CNTLN: variants seen among roughly 807,000 people sequenced by gnomAD.
The protein encoded by CNTLN is centlein, centrosomal protein.
Under a neutral mutation model 180.0 loss-of-function variants are expected in CNTLN, and 212 were observed. That is an observed-to-expected ratio of 1.18 (90% CI 1.05 to 1.32). The LOEUF is 1.32. Among genes scored for constraint, CNTLN ranks in the 40% most tolerant of loss-of-function variants. The pLI, the probability that CNTLN is intolerant of heterozygous loss-of-function variation, is 0.00. For missense variants in CNTLN, 2,095 were observed against 1,610.9 expected, an observed-to-expected ratio of 1.30 and a Z score of -5.14; for synonymous variants, 722 against 563.1, an observed-to-expected ratio of 1.28 and a Z score of -3.99.
chr9:17,338,337 G>GTTTTT lies in CNTLN; in HGVS notation c.1645-2476_1645-2472dup, dbSNP rs71331486. ...CTGCTATCACTCCTGGCTAATTTTT[G>GTTTTT]TTTTTTTTTTTTTTTTTTAGAGATG... On this transcript the variant is annotated intron_variant, in intron 10 of 25. Coordinates refer to ENST00000380647, the MANE Select transcript of CNTLN (RefSeq NM_017738.4). Among the ~76,000 whole-genome samples the GTTTTT allele has an allele frequency of 8.1e-4, 81 of 100,436 alleles. 2 individuals carry two copies. Among genetic ancestry groups the GTTTTT allele is most frequent in the African/African-American group, 2.8e-3 (72 of 26,008 alleles). 65.9% of individuals were successfully genotyped at this position (100,436 alleles called of 152,430 possible).
At chr9:17,261,775 C>G (rs1827000294) in intron 5 of CNTLN, among the ~76,000 whole-genome samples, 1 of 151,398 alleles carries the variant, frequency 6.6e-6, no homozygotes, top group Non-Finnish European at 1.5e-5. Flanking sequence ...GCAGAAGAAA[C>G]TAGCATCAGA....
At chr9:17,316,402 C>G (rs932214957) in intron 8 of CNTLN, among the ~76,000 whole-genome samples, 51 of 152,002 alleles carry the variant, frequency 3.4e-4, no homozygotes, top group African/African-American at 1.2e-3. Context: ...TAAATTCCAC[C>G]TATAATTTGA....
At position 17,298,305 on chromosome 9, in the gene CNTLN, A is replaced by G. The variant is rs1818095138; in HGVS notation, c.1099A>G (p.Arg367Gly). Residue 367 changes from arginine (R) to glycine (G), a missense_variant, in exon 7 of 26, where the codon AGA (arginine) becomes GGA (glycine). By Grantham distance (125) the Arg-to-Gly change is moderately radical. Coordinates refer to ENST00000380647, the MANE Select transcript of CNTLN (RefSeq NM_017738.4). ...CAATATGGACACACAAAAAGTACTG[A>G]GAAATCAGGAAGATGTTCACACAGC... ...VLNMDTQKVL[R>G]NQEDVHTAES... is the part of the protein sequence containing the mutation. 1.2e-6 allele frequency: 2 copies of G among 1,613,352 alleles called. No individual in the cohort carries two copies. Among genetic ancestry groups the G allele is most frequent in the African/African-American group, 2.7e-5 (2 of 74,910 alleles).
intron 6 of CNTLN, among the ~76,000 whole-genome samples, chr9:17,293,257 G>A (rs1817528124): frequency 6.6e-6 from 1 of 152,358 alleles, no homozygotes; most frequent in Middle Eastern, 3.4e-3. Context: ...GGAGGCAGGG[G>A]TTCTGGGATC....
intron 2 of CNTLN, among the ~76,000 whole-genome samples, chr9:17,175,761 T>C (rs1820681205): frequency 6.6e-6 from 1 of 152,118 alleles, no homozygotes; most frequent in Admixed American, 6.5e-5. Context: ...AAGATGTCTC[T>C]CCATTTATTT....
At chr9:17,301,686 A>G (rs1242450827) in intron 7 of CNTLN, 7 of 964,384 alleles carry the variant, frequency 7.3e-6, no homozygotes, top group Non-Finnish European at 8.6e-6. Flanking sequence ...AGTATCCTCA[A>G]CTAGACTCAA....
At chr9:17,202,644 C>CTG (rs1822613725) in intron 2 of CNTLN, among the ~76,000 whole-genome samples, 1 of 87,100 alleles carries the variant, frequency 1.1e-5, no homozygotes, top group African/African-American at 5.3e-5. Context: ...ATTGCAACCT[C>CTG]TGTTTTTTTT....
At chr9:17,485,689 T>C (rs1267233820) in intron 24 of CNTLN, among the ~76,000 whole-genome samples, 3 of 152,098 alleles carry the variant, frequency 2.0e-5, no homozygotes, top group Admixed American at 6.6e-5. Context: ...TAGCACAGTG[T>C]CTCATGTGAG....
rs1040552438 is a variant in CNTLN at position 17,135,056 on chromosome 9, A to G, written c.-10A>G. 6.3e-7 allele frequency: 1 copy of G among 1,592,190 alleles called. No individual in the cohort carries two copies. The highest frequency in any genetic ancestry group is 1.3e-5 in the African/African-American group (1 of 74,844). On this transcript the variant is annotated 5_prime_UTR_variant, in exon 1 of 26. Coordinates refer to ENST00000380647, the MANE Select transcript of CNTLN (RefSeq NM_017738.4). Reference sequence around the variant, plus strand: ...CCAACAGGGAACTTGACCCGTTAGCAGCCGCAGCCATGGCGGCGCGTTCGC... The same window carrying G: ...CCAACAGGGAACTTGACCCGTTAGCGGCCGCAGCCATGGCGGCGCGTTCGC...
At chr9:17,291,139 A>G (rs1319743546) in intron 6 of CNTLN, among the ~76,000 whole-genome samples, 1 of 152,128 alleles carries the variant, frequency 6.6e-6, no homozygotes, top group Non-Finnish European at 1.5e-5. Flanking sequence ...ATCTTGAGTT[A>G]TAATTTGATT....
chr9:17,244,643 TATTATTGATAAGTA>T, intron 5 of CNTLN, among the ~76,000 whole-genome samples: 1 of 152,284 alleles, frequency 6.6e-6, no homozygotes, highest in African/African-American at 2.4e-5. Context: ...CCTGTAGCAT[TATTATTGATAAGTA>T]AGGACTTACT....
intron 16 of CNTLN, among the ~76,000 whole-genome samples, chr9:17,415,008 C>T (rs1359736689): frequency 1.3e-5 from 2 of 151,938 alleles, no homozygotes; most frequent in Non-Finnish European, 2.9e-5. Flanking sequence ...ATTGCTTGAA[C>T]CTGGGAGGCG....
intron 2 of CNTLN, among the ~76,000 whole-genome samples, chr9:17,218,948 G>T (rs1037480626): frequency 6.6e-6 from 1 of 152,058 alleles, no homozygotes; most frequent in African/African-American, 2.4e-5. Flanking sequence ...TAATGATTCA[G>T]AATAATTTCT....
chr9:17,136,491 GGC>G (rs1817726976), intron 1 of CNTLN, among the ~76,000 whole-genome samples: 1 of 152,106 alleles, frequency 6.6e-6, no homozygotes, highest in African/African-American at 2.4e-5. Flanking sequence ...CACCACGCCT[GGC>G]TAATTTTTTG....
At chr9:17,298,538 G>A in intron 7 of CNTLN, 186 bp downstream of exon 7, 2 of 1,277,954 alleles carry the variant, frequency 1.6e-6, no homozygotes, top group East Asian at 3.1e-5. Context: ...TTTTCTTTAT[G>A]GTAATTAGAG....
chr9:17,264,359 T>C (rs966571316), intron 5 of CNTLN, among the ~76,000 whole-genome samples: 3 of 151,846 alleles, frequency 2.0e-5, no homozygotes, highest in Non-Finnish European at 2.9e-5. Flanking sequence ...GTTGTAGATA[T>C]GCAGCGTTAT....
At chr9:17,431,171 A>C (rs1038577017) in intron 18 of CNTLN, among the ~76,000 whole-genome samples, 3 of 152,132 alleles carry the variant, frequency 2.0e-5, no homozygotes, top group Non-Finnish European at 4.4e-5. Context: ...GTCCATCAAT[A>C]GTGTATGAAA....
At chr9:17,271,537 T>G (rs1827945071) in intron 5 of CNTLN, among the ~76,000 whole-genome samples, 2 of 152,200 alleles carry the variant, frequency 1.3e-5, no homozygotes, top group South Asian at 4.1e-4. Context: ...TGTTCTAGTA[T>G]TTTCTAATGA....
At chr9:17,423,575 C>G (rs568402957) in intron 18 of CNTLN, among the ~76,000 whole-genome samples, 48 of 152,268 alleles carry the variant, frequency 3.2e-4, no homozygotes, top group Non-Finnish European at 5.7e-4. Context: ...GTTATGTGCA[C>G]TTCAGTTCAA....
Sources: gnomAD v4.1 joint callset for allele counts (sites outside exome capture counted in the v4.1 genomes callset) on GRCh38, gnomAD v4.1.1 for gene constraint, MANE v1.5 for transcripts, NCBI Gene and HGNC (gene_info 2026-07-23, HGNC 2026-07-21) for gene names.